ACTR3C: variants seen among roughly 807,000 people sequenced by gnomAD.
The protein encoded by ACTR3C is actin-related protein 3C.
In ACTR3C, 18 loss-of-function variants were observed where a neutral mutation model predicts 26.3. The observed-to-expected ratio is 0.68, with a 90% CI of 0.47 to 1.01. The LOEUF is 1.01. Among genes scored for constraint, ACTR3C ranks in the 50% least tolerant of loss-of-function variants. The pLI is 0.00. For synonymous variants in ACTR3C, 55 were observed against 94.5 expected (o/e 0.58, Z 2.42); for missense variants, 184 against 250.7 (o/e 0.73, Z 1.80).
At chr7:149,883,374 ATATC>A in the ACTR3C span, among the ~76,000 whole-genome samples, 1 of 152,144 alleles carries the variant, frequency 6.6e-6, no homozygotes, top group Non-Finnish European at 1.5e-5. Flanking sequence ...ACATCAGTAA[ATATC>A]AGCCTCTGAC....
chr7:150,295,016 C>T (rs2129613415), intron 2 of ACTR3C, among the ~76,000 whole-genome samples: 1 of 152,214 alleles, frequency 6.6e-6, no homozygotes, highest in East Asian at 1.9e-4. Flanking sequence ...ATGCATGAGA[C>T]TTTAATGCAT....
At chr7:150,037,478 G>A in the ACTR3C span, among the ~76,000 whole-genome samples, 14 of 58,828 alleles carry the variant, frequency 2.4e-4, 5 homozygotes, top group East Asian at 0.012. Flanking sequence ...CCCTGCGATG[G>A]GGGTAGCAAC....
At chr7:149,989,746 T>C in the ACTR3C span, among the ~76,000 whole-genome samples, 6 of 152,170 alleles carry the variant, frequency 3.9e-5, no homozygotes, top group Admixed American at 3.3e-4. Flanking sequence ...AGCATGGGAG[T>C]GCAGATGTCT....
the ACTR3C span, among the ~76,000 whole-genome samples, chr7:149,981,044 G>T: frequency 6.6e-4 from 100 of 151,806 alleles, no homozygotes; most frequent in Non-Finnish European, 1.3e-3. Flanking sequence ...TTGGATGGTT[G>T]TGTATTCACA....
intron 6 of ACTR3C, among the ~76,000 whole-genome samples, chr7:150,259,335 G>T (rs184176520): frequency 2.8e-4 from 43 of 152,042 alleles, no homozygotes; most frequent in African/African-American, 9.9e-4. Context: ...AGGAAAGAAA[G>T]AAAGAAAGAC....
the ACTR3C span, among the ~76,000 whole-genome samples, chr7:150,039,531 G>A: frequency 3.6e-3 from 310 of 85,162 alleles, no homozygotes; most frequent in South Asian, 0.023. Context: ...CCCCTCCTGC[G>A]ATGGGGGTCC....
intron 1 of ACTR3C, among the ~76,000 whole-genome samples, chr7:150,316,876 T>C (rs1796981045): frequency 6.6e-6 from 1 of 152,220 alleles, no homozygotes; most frequent in South Asian, 2.1e-4. Context: ...ATCTTTTAGA[T>C]ATTTAGTCCT....
chr7:149,992,707 C>T, the ACTR3C span, among the ~76,000 whole-genome samples: 3 of 152,082 alleles, frequency 2.0e-5, no homozygotes, highest in South Asian at 4.1e-4. Context: ...GGTGGGCAAC[C>T]GTATTGGTCA....
At chr7:150,097,003 G>A in the ACTR3C span, among the ~76,000 whole-genome samples, 2 of 152,204 alleles carry the variant, frequency 1.3e-5, no homozygotes, top group African/African-American at 4.8e-5. Flanking sequence ...GACACACAGT[G>A]AGGCACACCC....
At chr7:150,088,780 A>G in the ACTR3C span, among the ~76,000 whole-genome samples, 1 of 152,282 alleles carries the variant, frequency 6.6e-6, no homozygotes, top group East Asian at 1.9e-4. Flanking sequence ...TAGTTCTACG[A>G]TAGTAGGAAT....
chr7:150,202,790 C>T, the ACTR3C span, among the ~76,000 whole-genome samples: 1 of 152,194 alleles, frequency 6.6e-6, no homozygotes, highest in Admixed American at 6.5e-5. Context: ...CAACTCAATG[C>T]AAGTGGCTAA....
At chr7:150,276,474 T>C (rs1252505599) in intron 6 of ACTR3C, among the ~76,000 whole-genome samples, 2 of 152,252 alleles carry the variant, frequency 1.3e-5, no homozygotes, top group Non-Finnish European at 2.9e-5. Context: ...TGGAGCTTTT[T>C]ACTGCTGAAC....
At chr7:150,182,593 T>C in the ACTR3C span, among the ~76,000 whole-genome samples, 1 of 150,718 alleles carries the variant, frequency 6.6e-6, no homozygotes, top group African/African-American at 2.5e-5. Context: ...CAGCATATCA[T>C]TAAAAATCCA....
chr7:150,284,786 G>A lies in ACTR3C; in HGVS notation c.531C>T (p.Asn177=), dbSNP rs1159437532. ...GCGGACGCCGCACATCGATGGGGCA[G>A]TTCTGTATTACTTCATCAACAACAT... ...ISDVVDEVIQ[N]CPIDVRRPLY... The change falls in exon 6 of 8, where the codon AAC becomes AAT. Residue 177 remains asparagine, a synonymous_variant. Transcript: ENST00000683684. The A allele has an allele frequency of 3.1e-6, 5 of 1,613,356 alleles. No individual in the cohort carries two copies. The highest frequency in any genetic ancestry group is 1.7e-5 in the Admixed American group (1 of 59,900).
the ACTR3C span, among the ~76,000 whole-genome samples, chr7:150,068,327 C>T: frequency 6.6e-6 from 1 of 152,190 alleles, no homozygotes; most frequent in Admixed American, 6.5e-5. Context: ...GCCCCAGCCA[C>T]ACAGGCTTCC....
the ACTR3C span, among the ~76,000 whole-genome samples, chr7:149,980,590 CCATTCATT>C: frequency 6.6e-6 from 1 of 152,168 alleles, no homozygotes; most frequent in East Asian, 1.9e-4. Flanking sequence ...CAGTAAATGT[CCATTCATT>C]CATTCATTCA....
the ACTR3C span, among the ~76,000 whole-genome samples, chr7:150,003,894 G>GTGGT: frequency 0.052 from 2,983 of 57,908 alleles, 6 homozygotes; most frequent in African/African-American, 0.2. Flanking sequence ...GGGTGTGTGT[G>GTGGT]GTGTGTGTGT....
At chr7:150,100,298 T>C in the ACTR3C span, among the ~76,000 whole-genome samples, 7 of 151,650 alleles carry the variant, frequency 4.6e-5, no homozygotes, top group Non-Finnish European at 8.8e-5. Flanking sequence ...TTCATCCTGC[T>C]CTCAGCAGAC....
At chr7:150,124,031 C>A in the ACTR3C span, among the ~76,000 whole-genome samples, 1 of 152,192 alleles carries the variant, frequency 6.6e-6, no homozygotes, top group Non-Finnish European at 1.5e-5. Flanking sequence ...TAAAGTCCAG[C>A]AATCAAGTCC....
Sources: gnomAD v4.1 joint callset for allele counts (sites outside exome capture counted in the v4.1 genomes callset) on GRCh38, gnomAD v4.1.1 for gene constraint, MANE v1.5 for transcripts, NCBI Gene and HGNC (gene_info 2026-07-23, HGNC 2026-07-21) for gene names.